CALN1: variants seen among roughly 807,000 people sequenced by gnomAD.
CALN1 encodes calcium-binding protein 8.
CALN1 carries 17 observed loss-of-function variants against 30.6 expected under a neutral mutation model. That is an observed-to-expected ratio of 0.56 (90% CI 0.38 to 0.83). The LOEUF (loss-of-function observed/expected upper bound fraction) is 0.83, where lower values mean the gene tolerates loss of function less well. Ranked by LOEUF, CALN1 falls within the 40% of genes least tolerant of loss-of-function variation. CALN1 has a pLI of 0.00. For missense variants in CALN1, 291 were observed against 354.9 expected (o/e 0.82, Z 1.45); for synonymous variants, 156 against 131.4 (o/e 1.19, Z -1.28).
intron 5 of CALN1, among the ~76,000 whole-genome samples, chr7:71,955,565 T>C (rs760651102): frequency 2.6e-5 from 4 of 152,096 alleles, no homozygotes; most frequent in Admixed American, 6.6e-5. Flanking sequence ...TCCAGGTCTG[T>C]TGAACCCCAA....
At chr7:72,080,436 A>C (rs1273795326) in intron 4 of CALN1, among the ~76,000 whole-genome samples, 2 of 152,206 alleles carry the variant, frequency 1.3e-5, no homozygotes, top group Non-Finnish European at 2.9e-5. Flanking sequence ...CAGGTAACAC[A>C]CAGAGGGAGG....
intron 4 of CALN1, among the ~76,000 whole-genome samples, chr7:72,072,778 G>A (rs1304453771): frequency 6.6e-6 from 1 of 152,180 alleles, no homozygotes; most frequent in Non-Finnish European, 1.5e-5. Flanking sequence ...TGGGGATGAA[G>A]TTATAAAGCA....
Position 71,959,064 on chromosome 7 carries a change from A to G in CALN1, c.501+64593T>C, listed in dbSNP as rs191878570. Among the ~76,000 whole-genome samples, 25 of 152,322 alleles carry G rather than the reference A, an allele frequency of 1.6e-4. No individual in the cohort carries two copies. In the East Asian group the frequency reaches 4.6e-3, roughly 28 times the overall value. On this transcript the variant is annotated intron_variant, in intron 5 of 6. Transcript: ENST00000395275. The stretch of plus-strand genomic sequence containing the variant: ...AGGCATAGGCTGCTCAATTAAAGCA[A>G]GGATGTTCTGGAAGCTGTGGCACTA...
intron 3 of CALN1, among the ~76,000 whole-genome samples, chr7:72,150,872 T>TATGATG (rs139046404): frequency 0.02 from 3,049 of 150,518 alleles, 51 homozygotes; most frequent in Middle Eastern, 0.058. Flanking sequence ...GCTGTGATGA[T>TATGATG]ATGATGATGA....
intron 3 of CALN1, among the ~76,000 whole-genome samples, chr7:72,141,838 G>A (rs1036265167): frequency 6.6e-6 from 1 of 152,012 alleles, no homozygotes; most frequent in African/African-American, 2.4e-5. Flanking sequence ...CAAAGTGCTG[G>A]GATTACAGGT....
chr7:72,212,696 C>A (rs1249386637), intron 3 of CALN1, among the ~76,000 whole-genome samples: 3 of 152,054 alleles, frequency 2.0e-5, no homozygotes, highest in African/African-American at 7.2e-5. Context: ...CACCTATAGT[C>A]CCAGCTACTC....
intron 3 of CALN1, among the ~76,000 whole-genome samples, chr7:72,213,618 G>C (rs1792568562): frequency 6.6e-6 from 1 of 152,184 alleles, no homozygotes; most frequent in Non-Finnish European, 1.5e-5. Context: ...AAGTGTATGA[G>C]CTAATGTTTA....
chr7:72,253,103 T>C (rs1171310655), intron 3 of CALN1, among the ~76,000 whole-genome samples: 1 of 152,042 alleles, frequency 6.6e-6, no homozygotes, highest in Non-Finnish European at 1.5e-5. Flanking sequence ...CACCCTGTTC[T>C]ACCTGGACTT....
chr7:72,402,735 A>G (rs936335919), intron 2 of CALN1, among the ~76,000 whole-genome samples: 3 of 152,206 alleles, frequency 2.0e-5, no homozygotes, highest in Admixed American at 1.3e-4. Flanking sequence ...CAGACAGGGT[A>G]GCCTAGTGGT....
At chr7:72,496,833 C>T in the CALN1 span, among the ~76,000 whole-genome samples, 3 of 152,084 alleles carry the variant, frequency 2.0e-5, no homozygotes, top group Non-Finnish European at 2.9e-5. Flanking sequence ...GAGCTGTGAT[C>T]GCACCACTGT....
chr7:71,859,966 G>C (rs545903052), intron 5 of CALN1, among the ~76,000 whole-genome samples: 1 of 152,100 alleles, frequency 6.6e-6, no homozygotes, highest in Admixed American at 6.6e-5. Context: ...CTAATATCCC[G>C]ATATCTTGAG....
intron 2 of CALN1, among the ~76,000 whole-genome samples, chr7:72,305,895 GAA>G (rs1448810995): frequency 6.6e-6 from 1 of 152,160 alleles, no homozygotes; most frequent in Non-Finnish European, 1.5e-5. Context: ...GGGAGAGACA[GAA>G]AGAGGGAGAG....
At chr7:72,063,864 T>C (rs1356692492) in intron 4 of CALN1, among the ~76,000 whole-genome samples, 1 of 151,936 alleles carries the variant, frequency 6.6e-6, no homozygotes, top group African/African-American at 2.4e-5. Context: ...ACCCCCAAAA[T>C]AAAATCCAAA....
intron 4 of CALN1, among the ~76,000 whole-genome samples, chr7:72,070,767 C>T (rs902346870): frequency 6.6e-6 from 1 of 152,196 alleles, no homozygotes. Context: ...CCCTGTTAGA[C>T]TTTGCCACTT....
chr7:71,967,639 A>AGAAAG (rs1554399063), intron 5 of CALN1, among the ~76,000 whole-genome samples: 9 of 142,680 alleles, frequency 6.3e-5, no homozygotes, highest in South Asian at 2.1e-4. Flanking sequence ...AAAAAAAAAA[A>AGAAAG]AAAGAAAGAA....
chr7:72,119,828 C>CA (rs1808253508), intron 3 of CALN1, among the ~76,000 whole-genome samples: 1 of 152,160 alleles, frequency 6.6e-6, no homozygotes, highest in Non-Finnish European at 1.5e-5. Context: ...AAATACTTCT[C>CA]ACCAGGTCCC....
intron 6 of CALN1, among the ~76,000 whole-genome samples, chr7:71,802,798 G>GA (rs1460946968): frequency 1.3e-5 from 2 of 152,114 alleles, no homozygotes; most frequent in African/African-American, 4.8e-5. Flanking sequence ...CGAGGATGGG[G>GA]AATCACTTGA....
chr7:72,475,863 T>A, the CALN1 span, among the ~76,000 whole-genome samples: 13 of 151,564 alleles, frequency 8.6e-5, no homozygotes, highest in Non-Finnish European at 1.3e-4. Flanking sequence ...CTCGTGCTAA[T>A]GAATAAGTCT....
At chr7:71,913,427 G>C (rs1283929479) in intron 5 of CALN1, among the ~76,000 whole-genome samples, 2 of 152,200 alleles carry the variant, frequency 1.3e-5, no homozygotes, top group Admixed American at 1.3e-4. Flanking sequence ...CAGCCGAGGA[G>C]ATGAACAGTG....
Sources: allele counts gnomAD v4.1 joint callset (sites outside exome capture counted in the v4.1 genomes callset), GRCh38; gene constraint gnomAD v4.1.1; transcripts MANE v1.5; gene names NCBI Gene and HGNC (gene_info 2026-07-23, HGNC 2026-07-21).